The following CNTNAP4 variants were observed in gnomAD, a reference collection of about 807,000 sequenced individuals.
The protein encoded by CNTNAP4 is contactin-associated protein-like 4.
A neutral mutation model predicts 148.4 loss-of-function variants in CNTNAP4; 98 were observed. The ratio of observed to expected loss-of-function variants is 0.66; its 90% CI spans 0.56 to 0.78. The LOEUF is 0.78. CNTNAP4 is among the 30% of genes least tolerant of loss of function. CNTNAP4 has a pLI of 0.00. For synonymous variants in CNTNAP4, 730 were observed against 565.1 expected, an observed-to-expected ratio of 1.29 and a Z score of -4.14; for missense variants, 1,935 against 1,565.6, an observed-to-expected ratio of 1.24 and a Z score of -3.98.
chr16:76,373,477 C>T (rs2015081254), intron 3 of CNTNAP4, among the ~76,000 whole-genome samples: 1 of 152,090 alleles, frequency 6.6e-6, no homozygotes, highest in Non-Finnish European at 1.5e-5. Flanking sequence ...ATTATCTGCA[C>T]TAAATTTACT....
chr16:76,327,607 G>T (rs906486197), intron 2 of CNTNAP4, among the ~76,000 whole-genome samples: 7 of 152,130 alleles, frequency 4.6e-5, no homozygotes, highest in Non-Finnish European at 7.3e-5. Flanking sequence ...GTGTGATAGG[G>T]TCTCATCTAG....
At chr16:76,324,607 A>T (rs1327834869) in intron 2 of CNTNAP4, among the ~76,000 whole-genome samples, 1 of 152,208 alleles carries the variant, frequency 6.6e-6, no homozygotes, top group African/African-American at 2.4e-5. Flanking sequence ...GCCTTACCTC[A>T]AGGTGACGGT....
At chr16:76,329,319 C>G (rs1239134440) in intron 2 of CNTNAP4, among the ~76,000 whole-genome samples, 2 of 152,178 alleles carry the variant, frequency 1.3e-5, no homozygotes, top group Non-Finnish European at 2.9e-5. Flanking sequence ...TGCTTTGTCT[C>G]TCTGGTTTTC....
chr16:76,426,269 A>C (rs1022944219), intron 3 of CNTNAP4, among the ~76,000 whole-genome samples: 2 of 152,152 alleles, frequency 1.3e-5, no homozygotes, highest in African/African-American at 2.4e-5. Context: ...TGAATTAGAA[A>C]GAAAAACAGG....
At chr16:76,290,267 G>A (rs1403746369) in intron 1 of CNTNAP4, among the ~76,000 whole-genome samples, 3 of 152,130 alleles carry the variant, frequency 2.0e-5, no homozygotes, top group Non-Finnish European at 1.5e-5. Flanking sequence ...TCTTTGAAAT[G>A]GAAAGTGCCC....
intron 1 of CNTNAP4, among the ~76,000 whole-genome samples, chr16:76,312,521 C>T (rs148707445): frequency 2.8e-4 from 43 of 152,246 alleles, no homozygotes; most frequent in African/African-American, 1.0e-3. Flanking sequence ...CTGATTATTA[C>T]TGTTTGAGGT....
At chr16:76,347,897 G>A (rs1195009261) in intron 2 of CNTNAP4, among the ~76,000 whole-genome samples, 2 of 152,164 alleles carry the variant, frequency 1.3e-5, no homozygotes, top group South Asian at 2.1e-4. Context: ...TGAGAACTTC[G>A]TCTTTCACTC....
chr16:76,302,310 A>G (rs1960056221), intron 1 of CNTNAP4, among the ~76,000 whole-genome samples: 1 of 152,174 alleles, frequency 6.6e-6, no homozygotes, highest in African/African-American at 2.4e-5. Context: ...AGAAATATGA[A>G]GGATCAATCC....
At chr16:76,468,607 C>A (rs1001600068) in intron 10 of CNTNAP4, among the ~76,000 whole-genome samples, 2 of 152,152 alleles carry the variant, frequency 1.3e-5, no homozygotes, top group Non-Finnish European at 2.9e-5. Context: ...ATCTCAGCCT[C>A]CTGAGTCACT....
chr16:76,427,682 T>C, intron 4 of CNTNAP4, 83 bp downstream of exon 4: 1 of 1,333,370 alleles, frequency 7.5e-7, no homozygotes, highest in South Asian at 1.6e-5. Context: ...AAATGGACTT[T>C]TTAGCTACAT....
intron 3 of CNTNAP4, among the ~76,000 whole-genome samples, chr16:76,387,820 C>G (rs565925754): frequency 6.6e-6 from 1 of 152,090 alleles, no homozygotes; most frequent in Non-Finnish European, 1.5e-5. Flanking sequence ...TATTTTACTT[C>G]CTAGTATATA....
intron 10 of CNTNAP4, among the ~76,000 whole-genome samples, chr16:76,471,684 G>T (rs1437465952): frequency 6.6e-6 from 1 of 152,066 alleles, no homozygotes; most frequent in East Asian, 1.9e-4. Context: ...CCTGCCCTTT[G>T]TTCCTTATAC....
chr16:76,388,160 A>C (rs1258776973), intron 3 of CNTNAP4, among the ~76,000 whole-genome samples: 1 of 152,194 alleles, frequency 6.6e-6, no homozygotes, highest in Non-Finnish European at 1.5e-5. Flanking sequence ...ATTTAGCCAG[A>C]TCAGCATCTT....
At chr16:76,281,602 G>A (rs901110000) in intron 1 of CNTNAP4, among the ~76,000 whole-genome samples, 3 of 151,938 alleles carry the variant, frequency 2.0e-5, no homozygotes, top group South Asian at 2.1e-4. Flanking sequence ...AGCAATTTCT[G>A]TATTGGAGCT....
At chr16:76,373,889 C>A (rs2015126102) in intron 3 of CNTNAP4, among the ~76,000 whole-genome samples, 2 of 116,046 alleles carry the variant, frequency 1.7e-5, no homozygotes, top group Non-Finnish European at 3.5e-5. Flanking sequence ...GAGTGAAACT[C>A]CATCTCACAA....
At chr16:76,376,672 CTG>C (rs746387792) in intron 3 of CNTNAP4, among the ~76,000 whole-genome samples, 46 of 152,282 alleles carry the variant, frequency 3.0e-4, no homozygotes, top group Non-Finnish European at 5.4e-4. Context: ...CTGTGTGCAA[CTG>C]TGCATACACA....
chr16:76,553,705 A>C lies in CNTNAP4; in HGVS notation c.3662-131A>C, dbSNP rs2085068591. The C allele has an allele frequency of 1.1e-5, 7 of 664,622 alleles. No homozygotes were observed. In the Admixed American group the frequency reaches 2.0e-4, roughly 19 times the overall value. 41.2% of individuals were successfully genotyped at this position (664,622 alleles called of 1,614,324 possible). A position where few individuals can be genotyped will look rare whatever the true frequency, so the allele number is the denominator to read the frequency against. Reference sequence around the variant, plus strand: ...GGGGTCATTGCCATTGACATTGCTTAAATTGAAAATAACAGAGATCCCACA... The same window carrying C: ...GGGGTCATTGCCATTGACATTGCTTCAATTGAAAATAACAGAGATCCCACA... On this transcript the variant is annotated intron_variant, in intron 22 of 23. Coordinates refer to ENST00000611870, the MANE Select transcript of CNTNAP4 (RefSeq NM_033401.5).
intron 1 of CNTNAP4, among the ~76,000 whole-genome samples, chr16:76,310,168 A>C (rs1960946895): frequency 6.6e-6 from 1 of 152,026 alleles, no homozygotes; most frequent in Non-Finnish European, 1.5e-5. Context: ...GTTGGGCAGG[A>C]AACAGAGGTA....
rs182595542 is a variant in CNTNAP4, at chr16:76,478,475, T to C, written c.1763-944T>C. 2.0e-3 allele frequency among the ~76,000 whole-genome samples: 303 copies of C among 152,312 alleles called. 3 individuals carry two copies. Among genetic ancestry groups the C allele is most frequent in the African/African-American group, 7.0e-3 (290 of 41,582 alleles). ...ATGATTACTTGAAATTTTGGTAACA[T>C]TGAACAAATTAGCCATAGTATTTCA... On this transcript the variant is annotated intron_variant, in intron 11 of 23. Transcript: ENST00000611870.
Sources: allele counts gnomAD v4.1 joint callset (sites outside exome capture counted in the v4.1 genomes callset), GRCh38; gene constraint gnomAD v4.1.1; transcripts MANE v1.5; gene names NCBI Gene and HGNC (gene_info 2026-07-23, HGNC 2026-07-21).